The following PARD3B variants were observed in gnomAD, a reference collection of about 807,000 sequenced individuals.
The protein encoded by PARD3B is partitioning defective 3 homolog B.
PARD3B carries 103 observed loss-of-function variants against 130.2 expected under a neutral mutation model. That is an observed-to-expected ratio of 0.79 (90% confidence interval 0.67 to 0.93). The LOEUF is 0.93. PARD3B is among the 40% of genes least tolerant of loss of function. PARD3B has a pLI of 0.00. For synonymous variants in PARD3B, 583 were observed against 553.2 expected (o/e 1.05, Z -0.76); for missense variants, 1,609 against 1,499.2 (o/e 1.07, Z -1.21).
At chr2:204,876,573 T>C (rs950177377) in intron 2 of PARD3B, among the ~76,000 whole-genome samples, 1 of 152,192 alleles carries the variant, frequency 6.6e-6, no homozygotes, top group Non-Finnish European at 1.5e-5. Flanking sequence ...TACATCTTGA[T>C]TTTTTTGTTT....
At chr2:205,372,614 T>C (rs849200) in intron 18 of PARD3B, among the ~76,000 whole-genome samples, 129,269 of 152,226 alleles carry the variant, frequency 0.85, 55,035 homozygotes, top group Admixed American at 0.92. Context: ...AAAGTTTCCT[T>C]CCTTTTCTAA....
Position 204,741,888 on chromosome 2 carries a change from T to C in PARD3B, c.222+55606T>C, listed in dbSNP as rs1358024692. ...TTTCTTAAAGGATTCAGCAAACCCC[T>C]GAGCTGTAACAATAGGATTAAGTGA... On this transcript the variant is annotated intron_variant, in intron 2 of 22. Transcript: ENST00000406610. 3.9e-5 allele frequency among the ~76,000 whole-genome samples: 6 copies of C among 152,200 alleles called. No individual in the cohort carries two copies. The South Asian group carries it at 1.0e-3, about 26-fold the overall frequency.
At chr2:205,059,434 A>T (rs982898934) in intron 4 of PARD3B, among the ~76,000 whole-genome samples, 2 of 151,956 alleles carry the variant, frequency 1.3e-5, no homozygotes, top group African/African-American at 4.8e-5. Context: ...AGAATGACAA[A>T]TATCATTTGT....
At chr2:205,315,326 C>T (rs532463974) in intron 18 of PARD3B, among the ~76,000 whole-genome samples, 1 of 152,226 alleles carries the variant, frequency 6.6e-6, no homozygotes, top group South Asian at 2.1e-4. Context: ...AATAGAGTGG[C>T]CCCGAGACTA....
chr2:204,941,840 G>GTATA (rs200089937), intron 2 of PARD3B, among the ~76,000 whole-genome samples: 8 of 151,882 alleles, frequency 5.3e-5, no homozygotes, highest in African/African-American at 1.7e-4. Context: ...CTGAGTGTGT[G>GTATA]TGTATATATA....
At chr2:205,104,276 A>AT (rs1207752214) in intron 4 of PARD3B, 150 bp from the exon 5 acceptor site, 1 of 596,886 alleles carries the variant, frequency 1.7e-6, no homozygotes, top group Non-Finnish European at 3.0e-6. Flanking sequence ...CACAGAAAAG[A>AT]TTAACACCTG....
At chr2:204,645,097 A>G (rs1318998538) in intron 1 of PARD3B, among the ~76,000 whole-genome samples, 1 of 152,126 alleles carries the variant, frequency 6.6e-6, no homozygotes, top group African/African-American at 2.4e-5. Flanking sequence ...AAGCTGTGAG[A>G]TTGTAAATGG....
intron 1 of PARD3B, among the ~76,000 whole-genome samples, chr2:204,631,227 A>G (rs1306361742): frequency 1.3e-5 from 2 of 148,454 alleles, no homozygotes; most frequent in African/African-American, 4.9e-5. Flanking sequence ...CATTGTACCG[A>G]TGGGTCTTAG....
chr2:204,695,199 G>A (rs566617558), intron 2 of PARD3B, among the ~76,000 whole-genome samples: 1 of 151,814 alleles, frequency 6.6e-6, no homozygotes, highest in South Asian at 2.1e-4. Flanking sequence ...TCTCACATTA[G>A]CTTCTTTTGA....
At chr2:204,867,781 G>T (rs969752353) in intron 2 of PARD3B, among the ~76,000 whole-genome samples, 2 of 152,044 alleles carry the variant, frequency 1.3e-5, no homozygotes, top group Non-Finnish European at 2.9e-5. Context: ...TTTTGAATGG[G>T]TGTTATTTGG....
intron 2 of PARD3B, among the ~76,000 whole-genome samples, chr2:204,806,336 C>T (rs1330715877): frequency 1.3e-5 from 2 of 152,086 alleles, no homozygotes; most frequent in African/African-American, 4.8e-5. Flanking sequence ...AAGAAATCCA[C>T]AAATCTACAG....
At chr2:205,210,695 A>G (rs916080490) in intron 15 of PARD3B, among the ~76,000 whole-genome samples, 1 of 152,092 alleles carries the variant, frequency 6.6e-6, no homozygotes, top group Non-Finnish European at 1.5e-5. Flanking sequence ...TATCAGCAGT[A>G]TATGGAAGAA....
intron 22 of PARD3B, among the ~76,000 whole-genome samples, chr2:205,574,014 T>TA (rs2053653013): frequency 3.9e-5 from 6 of 152,288 alleles, no homozygotes; most frequent in Admixed American, 2.6e-4. Context: ...CCTTATATAT[T>TA]AAAAGGTGTT....
chr2:205,020,529 C>T (rs1696515534), intron 3 of PARD3B, among the ~76,000 whole-genome samples: 1 of 151,918 alleles, frequency 6.6e-6, no homozygotes, highest in Admixed American at 6.6e-5. Flanking sequence ...TTCTCACTGG[C>T]TTTGGGAAAA....
intron 1 of PARD3B, among the ~76,000 whole-genome samples, chr2:204,591,876 G>C (rs1574511507): frequency 1.3e-5 from 2 of 152,326 alleles, no homozygotes; most frequent in Middle Eastern, 6.8e-3. Context: ...TGGATTTATA[G>C]ATAATGTGTC....
chr2:204,679,667 T>A (rs2036728076), intron 1 of PARD3B, among the ~76,000 whole-genome samples: 1 of 152,040 alleles, frequency 6.6e-6, no homozygotes, highest in South Asian at 2.1e-4. Flanking sequence ...GTTACAATTT[T>A]TTTTTAATTT....
In PARD3B at chr2:205,354,026, C is replaced by CTTTTTTTTTTTTTT. The variant is rs869308018; in HGVS notation, c.2631-46976_2631-46963dup. Among the ~76,000 whole-genome samples, 31 of 50,348 alleles carry CTTTTTTTTTTTTTT rather than the reference C, an allele frequency of 6.2e-4. 1 individual carries two copies. Among genetic ancestry groups the CTTTTTTTTTTTTTT allele is most frequent in the Non-Finnish European group, 9.1e-4 (22 of 24,124 alleles). 33.0% of individuals were successfully genotyped at this position (50,348 alleles called of 152,430 possible). On this transcript the variant is annotated intron_variant, in intron 18 of 22. Transcript: ENST00000406610. The stretch of plus-strand genomic sequence containing the variant: ...CTTCTTTCTTTTTTCTTTTCTTTTC[C>CTTTTTTTTTTTTTT]TTTTTTTTTTTTTTTTTTTTTTTTG...
At chr2:205,549,730 A>G (rs901320661) in intron 21 of PARD3B, among the ~76,000 whole-genome samples, 1 of 152,188 alleles carries the variant, frequency 6.6e-6, no homozygotes, top group Non-Finnish European at 1.5e-5. Context: ...CATTTGTCCA[A>G]ACCCATAGAA....
intron 19 of PARD3B, among the ~76,000 whole-genome samples, chr2:205,429,327 T>C (rs1225720370): frequency 6.6e-6 from 1 of 152,222 alleles, no homozygotes; most frequent in East Asian, 1.9e-4. Flanking sequence ...TTTAAGCATT[T>C]ATTCAGATTT....
Sources: allele counts gnomAD v4.1 joint callset (sites outside exome capture counted in the v4.1 genomes callset), GRCh38; gene constraint gnomAD v4.1.1; transcripts MANE v1.5; gene names NCBI Gene and HGNC (gene_info 2026-07-23, HGNC 2026-07-21).